PARD3B: variants seen among roughly 807,000 people sequenced by gnomAD.
PARD3B encodes the protein partitioning defective 3 homolog B.
Under a neutral mutation model 130.2 loss-of-function variants are expected in PARD3B, and 103 were observed. The observed-to-expected ratio is 0.79, with a 90% CI of 0.67 to 0.93. PARD3B has a LOEUF of 0.93. Among genes scored for constraint, PARD3B ranks in the 40% least tolerant of loss-of-function variants. The pLI is 0.00. For missense variants in PARD3B, 1,609 were observed against 1,499.2 expected, an observed-to-expected ratio of 1.07 and a Z score of -1.21; for synonymous variants, 583 against 553.2, an observed-to-expected ratio of 1.05 and a Z score of -0.76.
chr2:204,860,063 G>A (rs992456327), intron 2 of PARD3B, among the ~76,000 whole-genome samples: 7 of 151,972 alleles, frequency 4.6e-5, no homozygotes, highest in Non-Finnish European at 7.4e-5. Flanking sequence ...GTAGAAATAC[G>A]GATTGTTTTC....
intron 4 of PARD3B, among the ~76,000 whole-genome samples, chr2:205,099,884 ATTATC>A (rs1374245532): frequency 3.9e-5 from 6 of 152,198 alleles, no homozygotes; most frequent in Admixed American, 2.6e-4. Flanking sequence ...TGTTTTTGAT[ATTATC>A]TTAATAATAA....
chr2:205,103,944 C>T (rs1341502234), intron 4 of PARD3B, among the ~76,000 whole-genome samples: 1 of 152,188 alleles, frequency 6.6e-6, no homozygotes, highest in African/African-American at 2.4e-5. Context: ...TTCTGGATTT[C>T]TTCTTCCTGC....
intron 22 of PARD3B, among the ~76,000 whole-genome samples, chr2:205,594,102 T>G (rs1443674549): frequency 6.6e-6 from 1 of 152,152 alleles, no homozygotes; most frequent in East Asian, 1.9e-4. Flanking sequence ...CCTGTGTGGT[T>G]TCTGGCAGGG....
intron 4 of PARD3B, among the ~76,000 whole-genome samples, chr2:205,075,603 T>C (rs1242182586): frequency 6.6e-6 from 1 of 151,736 alleles, no homozygotes; most frequent in Non-Finnish European, 1.5e-5. Context: ...ATTTCTATAC[T>C]TCTTATTTCT....
At chr2:204,964,734 G>A (rs979114639) in intron 2 of PARD3B, among the ~76,000 whole-genome samples, 2 of 152,050 alleles carry the variant, frequency 1.3e-5, no homozygotes, top group African/African-American at 4.8e-5. Context: ...CTCCGAGACT[G>A]GAATAACCTC....
At chr2:205,559,027 C>T (rs1383475673) in intron 22 of PARD3B, among the ~76,000 whole-genome samples, 1 of 152,192 alleles carries the variant, frequency 6.6e-6, no homozygotes, top group Non-Finnish European at 1.5e-5. Flanking sequence ...GCCATGTATA[C>T]AGTAGAGTCT....
In PARD3B at chr2:205,366,584, G is replaced by A. The variant is rs1414859110; in HGVS notation, c.2631-34429G>A. Among the ~76,000 whole-genome samples the A allele has an allele frequency of 3.3e-5, 5 of 152,152 alleles. No individual in the cohort carries two copies. The highest frequency in any genetic ancestry group is 3.3e-4 in the Admixed American group (5 of 15,282). On this transcript the variant is annotated intron_variant, in intron 18 of 22. Transcript: ENST00000406610. The surrounding 1 kb of genome is among the most constrained non-coding windows in gnomAD (Gnocchi z 5.0). ...TGCCAGAACACAGCTCTCTTAACTT[G>A]CAGGGTATTGCTTTATCTTATCATG...
At chr2:204,668,096 A>G (rs997981193) in intron 1 of PARD3B, among the ~76,000 whole-genome samples, 50 of 152,102 alleles carry the variant, frequency 3.3e-4, no homozygotes, top group African/African-American at 1.2e-3. Context: ...TTTACTGTGG[A>G]GGCATTCTAA....
intron 1 of PARD3B, among the ~76,000 whole-genome samples, chr2:204,639,227 A>G (rs897797376): frequency 1.3e-5 from 2 of 152,348 alleles, no homozygotes; most frequent in African/African-American, 4.8e-5. Context: ...TCATATAAGC[A>G]TTTATAGTGA....
intron 18 of PARD3B, among the ~76,000 whole-genome samples, chr2:205,320,352 A>G (rs955772606): frequency 1.3e-5 from 2 of 152,224 alleles, no homozygotes; most frequent in African/African-American, 4.8e-5. Flanking sequence ...CTCTGCTGGA[A>G]GGAACCCTCT....
At chr2:204,900,163 G>A (rs2046804515) in intron 2 of PARD3B, among the ~76,000 whole-genome samples, 1 of 151,956 alleles carries the variant, frequency 6.6e-6, no homozygotes, top group South Asian at 2.1e-4. Flanking sequence ...TTTAGGTTTG[G>A]GAAATTCTCT....
intron 2 of PARD3B, among the ~76,000 whole-genome samples, chr2:204,823,464 C>T (rs2043446026): frequency 6.6e-6 from 1 of 151,718 alleles, no homozygotes; most frequent in African/African-American, 2.4e-5. Context: ...GGTAACAATT[C>T]TGCCTTCATG....
chr2:204,782,369 C>T (rs1376626426), intron 2 of PARD3B, among the ~76,000 whole-genome samples: 1 of 102,718 alleles, frequency 9.7e-6, no homozygotes. Context: ...ATAATATATA[C>T]CATCACATAT....
intron 1 of PARD3B, among the ~76,000 whole-genome samples, chr2:204,552,908 A>G (rs573066662): frequency 6.6e-6 from 1 of 152,256 alleles, no homozygotes; most frequent in Non-Finnish European, 1.5e-5. Context: ...ATGGTCTTAT[A>G]GTATAGTTTG....
intron 22 of PARD3B, among the ~76,000 whole-genome samples, chr2:205,565,062 C>T (rs530210285): frequency 2.0e-5 from 3 of 152,324 alleles, no homozygotes; most frequent in African/African-American, 7.2e-5. Context: ...AGTACCCTTT[C>T]AACTTGGTCA....
chr2:205,030,897 T>C (rs1235594423), intron 3 of PARD3B, among the ~76,000 whole-genome samples: 1 of 152,164 alleles, frequency 6.6e-6, no homozygotes, highest in Non-Finnish European at 1.5e-5. Context: ...ATATGTTGCT[T>C]TTATGCTGTG....
At position 205,000,635 on chromosome 2, in the gene PARD3B, T is replaced by G. The variant is rs188089758; in HGVS notation, c.394+35312T>G. On this transcript the variant is annotated intron_variant, in intron 3 of 22. Transcript: ENST00000406610. ...TTTATAATCATATGCAAACTTTATTTGAGAAATGTTGATCTTTTCCATGCT... is the reference window on the plus strand; with the variant it reads ...TTTATAATCATATGCAAACTTTATTGGAGAAATGTTGATCTTTTCCATGCT... 2.5e-4 allele frequency among the ~76,000 whole-genome samples: 38 copies of G among 152,352 alleles called. No individual in the cohort carries two copies. In the Middle Eastern group the frequency reaches 0.02, roughly 82 times the overall value.
rs987984521 is a variant in PARD3B at position 205,276,749 on chromosome 2, G to A, written c.2186-23781G>A. 6.6e-6 allele frequency among the ~76,000 whole-genome samples: 1 copy of A among 152,182 alleles called. No homozygotes were observed. Among genetic ancestry groups the A allele is most frequent in the African/African-American group, 2.4e-5 (1 of 41,444 alleles). The stretch of plus-strand genomic sequence containing the variant: ...AGGGACTCTGGCTGTTAGAAAATTT[G>A]TCATCCTGCTAGAGAGACCTATAGA... On this transcript the variant is annotated intron_variant, in intron 16 of 22. Coordinates refer to ENST00000406610, the MANE Select transcript of PARD3B (RefSeq NM_001302769.2). The surrounding 1 kb of genome is among the most constrained non-coding windows in gnomAD (Gnocchi z 5.0).
In PARD3B at chr2:204,782,815, T is replaced by C. The variant is rs539443726; in HGVS notation, c.222+96533T>C. On this transcript the variant is annotated intron_variant, in intron 2 of 22. Coordinates refer to ENST00000406610, the MANE Select transcript of PARD3B (RefSeq NM_001302769.2). ...CTTTACTTGGTTAAGTATGGCTGTT[T>C]CTAATGCAGTGTTTTAATTTTTTAT... 3.3e-5 allele frequency among the ~76,000 whole-genome samples: 5 copies of C among 152,218 alleles called. No homozygotes were observed. In the East Asian group the frequency reaches 9.6e-4, roughly 29 times the overall value.
Sources: gnomAD v4.1 joint callset for allele counts (sites outside exome capture counted in the v4.1 genomes callset) on GRCh38, gnomAD v4.1.1 for gene constraint, Gnocchi (gnomAD v3.1) non-coding constraint, MANE v1.5 for transcripts, NCBI Gene and HGNC (gene_info 2026-07-23, HGNC 2026-07-21) for gene names.